SCARA5: variants seen among roughly 807,000 people sequenced by gnomAD.
SCARA5 encodes the protein scavenger receptor class A, member 5 (putative).
Under a neutral mutation model 46.3 loss-of-function variants are expected in SCARA5, and 45 were observed. That is an observed-to-expected ratio of 0.97 (90% CI 0.76 to 1.24). The LOEUF is 1.24. SCARA5 is among the 50% of genes most tolerant of loss of function. The probability of loss-of-function intolerance (pLI) is 0.00; values close to 1 mark genes in which losing one functional copy is unlikely to be tolerated. For synonymous variants in SCARA5, 333 were observed against 306.5 expected (o/e 1.09, Z -0.90); for missense variants, 680 against 689.0 (o/e 0.99, Z 0.15).
chr8:27,981,846 C>A (rs1187874042), intron 2 of SCARA5, among the ~76,000 whole-genome samples: 1 of 152,192 alleles, frequency 6.6e-6, no homozygotes, highest in East Asian at 1.9e-4. Context: ...TAATAGTCCC[C>A]TCTCCTGCAC....
chr8:27,938,630 G>A (rs1442135605), intron 3 of SCARA5, among the ~76,000 whole-genome samples: 1 of 152,202 alleles, frequency 6.6e-6, no homozygotes, highest in Non-Finnish European at 1.5e-5. Context: ...ATGCAGGAAA[G>A]CCTCTGCCTA....
chr8:27,982,100 G>A (rs1462064590), intron 2 of SCARA5, among the ~76,000 whole-genome samples: 1 of 152,186 alleles, frequency 6.6e-6, no homozygotes, highest in Non-Finnish European at 1.5e-5. Context: ...GCAGGCGTCG[G>A]CAGCTGCCAG....
chr8:27,929,253 C>G (rs1329276024), intron 3 of SCARA5, among the ~76,000 whole-genome samples: 5 of 152,002 alleles, frequency 3.3e-5, no homozygotes, highest in African/African-American at 1.2e-4. Flanking sequence ...CCACCCACAG[C>G]CCACCCCAAG....
intron 2 of SCARA5, among the ~76,000 whole-genome samples, chr8:27,967,606 G>A (rs1313233794): frequency 6.6e-6 from 1 of 152,146 alleles, no homozygotes; most frequent in Non-Finnish European, 1.5e-5. Context: ...CAGAAGGACT[G>A]TCCCCACTTC....
chr8:27,940,531 T>C (rs1025997841), intron 3 of SCARA5, among the ~76,000 whole-genome samples: 2 of 152,164 alleles, frequency 1.3e-5, no homozygotes, highest in Non-Finnish European at 2.9e-5. Context: ...TGTATGCATA[T>C]TTCTCAAAAC....
At chr8:27,990,245 G>T (rs1273316427) in intron 1 of SCARA5, among the ~76,000 whole-genome samples, 2 of 152,216 alleles carry the variant, frequency 1.3e-5, no homozygotes, top group African/African-American at 4.8e-5. Context: ...GGCCAGATGT[G>T]AGTGCACAGG....
chr8:27,907,905 G>A (rs1030299851), intron 5 of SCARA5, among the ~76,000 whole-genome samples: 7 of 152,128 alleles, frequency 4.6e-5, no homozygotes, highest in African/African-American at 1.4e-4. Context: ...TGCTTTCTAC[G>A]TGCCAGGCCC....
chr8:27,903,926 A>G lies in SCARA5; in HGVS notation c.1153+852T>C, dbSNP rs534559572. 5.9e-5 allele frequency among the ~76,000 whole-genome samples: 9 copies of G among 152,270 alleles called. No homozygotes were observed. The South Asian group carries it at 1.0e-3, about 18-fold the overall frequency. ...CCCTCACGTGGGACAGAGCCAACTA[A>G]CACCACATGCTGGGTTTGGTGTTTT... On this transcript the variant is annotated intron_variant, in intron 7 of 8. Transcript: ENST00000354914.
chr8:27,921,779 G>C lies in SCARA5; in HGVS notation c.708C>G (p.Tyr236Ter). 6.4e-7 allele frequency: 1 copy of C among 1,573,356 alleles called. No homozygotes were observed. The highest frequency in any genetic ancestry group is 8.6e-7 in the Non-Finnish European group (1 of 1,163,748). Residue 236 changes from tyrosine to a stop codon, truncating the protein, a stop_gained, in exon 4 of 9, where the codon TAC becomes TAG. Coordinates refer to ENST00000354914, the MANE Select transcript of SCARA5 (RefSeq NM_173833.6). LOFTEE classifies it high-confidence loss of function. ...GCCGCGTGCGGTGGAGGGCCACGTCGTAGGACAGGCTGTGGTTGAGGCCGC... is the reference window on the plus strand; with the variant it reads ...GCCGCGTGCGGTGGAGGGCCACGTCCTAGGACAGGCTGTGGTTGAGGCCGC... Reference protein sequence around the residue: ...VLRGLNHSLSYDVALHRTRLQ... With the variant: ...VLRGLNHSLS
Position 27,909,795 on chromosome 8 carries a change from A to G in SCARA5, c.917-52T>C, listed in dbSNP as rs376855616. ...TTAGGGGGCTCCCTTCTGAAACAGG[A>G]CCAGGTCATCTGTAGAGGAAACAAA... On this transcript the variant is annotated intron_variant, in intron 4 of 8. Transcript: ENST00000354914. The G allele has an allele frequency of 7.2e-6, 9 of 1,255,742 alleles. No homozygotes were observed. In the African/African-American group the frequency reaches 1.3e-4, roughly 19 times the overall value. 77.8% of individuals were successfully genotyped at this position (1,255,742 alleles called of 1,614,324 possible).
intron 7 of SCARA5, among the ~76,000 whole-genome samples, chr8:27,888,081 A>G (rs1806925569): frequency 6.6e-6 from 1 of 151,986 alleles, no homozygotes; most frequent in South Asian, 2.1e-4. Flanking sequence ...TTTTGAGACA[A>G]GGTCTGGCTC....
intron 8 of SCARA5, among the ~76,000 whole-genome samples, chr8:27,872,830 AC>A (rs1320428398): frequency 5.9e-5 from 9 of 152,338 alleles, no homozygotes; most frequent in Non-Finnish European, 7.4e-5. Flanking sequence ...CAGCCCAAAT[AC>A]GTATATAGGA....
At chr8:27,965,520 C>G (rs1367105827) in intron 3 of SCARA5, among the ~76,000 whole-genome samples, 1 of 108,642 alleles carries the variant, frequency 9.2e-6, no homozygotes, top group Non-Finnish European at 2.0e-5. Context: ...AGGCAGGGCT[C>G]TATCTGCATG....
At chr8:27,984,003 C>T (rs1808662520) in intron 2 of SCARA5, among the ~76,000 whole-genome samples, 1 of 152,176 alleles carries the variant, frequency 6.6e-6, no homozygotes, top group South Asian at 2.1e-4. Flanking sequence ...TCACACTTCA[C>T]CGTCTTCATT....
chr8:27,874,960 C>T (rs1309576409), intron 8 of SCARA5, among the ~76,000 whole-genome samples: 1 of 152,212 alleles, frequency 6.6e-6, no homozygotes, highest in Admixed American at 6.5e-5. Flanking sequence ...CTTCAAGGCC[C>T]TCCCATTTGG....
intron 1 of SCARA5, among the ~76,000 whole-genome samples, chr8:27,990,247 G>A (rs575328503): frequency 3.7e-4 from 57 of 152,344 alleles, no homozygotes; most frequent in Non-Finnish European, 6.8e-4. Flanking sequence ...CCAGATGTGA[G>A]TGCACAGGGC....
intron 7 of SCARA5, among the ~76,000 whole-genome samples, chr8:27,902,394 G>A (rs1407941410): frequency 6.6e-6 from 1 of 152,000 alleles, no homozygotes; most frequent in East Asian, 1.9e-4. Context: ...CCGTAGCTCT[G>A]GCCTCAGGGC....
chr8:27,898,844 A>G (rs1305035600), intron 7 of SCARA5, among the ~76,000 whole-genome samples: 1 of 152,164 alleles, frequency 6.6e-6, no homozygotes, highest in Admixed American at 6.5e-5. Flanking sequence ...TGCTAATGTA[A>G]TGAAAGCCCC....
At chr8:27,910,050 C>A in intron 4 of SCARA5, 1 of 264,110 alleles carries the variant, frequency 3.8e-6, no homozygotes, top group Non-Finnish European at 7.1e-6. Context: ...TCCCTAATCC[C>A]CAATGTGACA....
Sources: gnomAD v4.1 joint callset for allele counts (sites outside exome capture counted in the v4.1 genomes callset) on GRCh38, gnomAD v4.1.1 for gene constraint, MANE v1.5 for transcripts, NCBI Gene and HGNC (gene_info 2026-07-23, HGNC 2026-07-21) for gene names.